The following CCL18 variants were observed in gnomAD, a reference collection of about 807,000 sequenced individuals.
CCL18 encodes the protein C-C motif chemokine ligand 18, also known as C-C motif chemokine 18.
Under a neutral mutation model 8.0 loss-of-function variants are expected in CCL18, and 7 were observed. That is an observed-to-expected ratio of 0.87 (90% confidence interval 0.50 to 1.64). The LOEUF (loss-of-function observed/expected upper bound fraction) is 1.64. CCL18 is among the 40% of genes most tolerant of loss of function. CCL18 has a pLI of 0.00. For synonymous variants in CCL18, 35 were observed against 41.3 expected (o/e 0.85, Z 0.59); for missense variants, 95 against 107.8 (o/e 0.88, Z 0.52).
intron 2 of CCL18, 23 bp downstream of exon 2, chr17:36,070,581 A>C (rs1358023224): frequency 2.8e-6 from 4 of 1,412,064 alleles, no homozygotes; most frequent in East Asian, 4.6e-5. Context: ...GCTCCTGCCC[A>C]CCCCTCGGGA....
At chr17:36,064,458 GCGACATCTT>G (rs1568522779) in intron 1 of CCL18, 49 bp downstream of exon 1, 1 of 1,449,162 alleles carries the variant, frequency 6.9e-7, no homozygotes, top group South Asian at 1.2e-5. Context: ...CAGAAGTCAG[GCGACATCTT>G]CCAAGTGCTG....
chr17:36,068,392 T>C (rs1240181139), intron 1 of CCL18, among the ~76,000 whole-genome samples: 1 of 152,172 alleles, frequency 6.6e-6, no homozygotes, highest in African/African-American at 2.4e-5. Flanking sequence ...AAATTTTTTT[T>C]TCAGGTTTTG....
At chr17:36,065,035 C>T (rs1174303404) in intron 1 of CCL18, among the ~76,000 whole-genome samples, 1 of 152,182 alleles carries the variant, frequency 6.6e-6, no homozygotes, top group Non-Finnish European at 1.5e-5. Context: ...TCCTGAGCAA[C>T]TCCTGTTGTC....
rs114879481 is a variant in CCL18 at position 36,067,129 on chromosome 17, G to T, written c.67+2720G>T. Among the ~76,000 whole-genome samples the T allele has an allele frequency of 3.2e-3, 486 of 152,278 alleles. 4 individuals are homozygous for T. Among genetic ancestry groups the T allele is most frequent in the African/African-American group, 0.011 (453 of 41,532 alleles). On this transcript the variant is annotated intron_variant, in intron 1 of 2. Coordinates refer to ENST00000616054, the MANE Select transcript of CCL18 (RefSeq NM_002988.4). ...GGAATAGGGAAAGTCTGGACTATGGGAATGACAAGAATGATGGGGCCAGGC... is the reference window on the plus strand; with the variant it reads ...GGAATAGGGAAAGTCTGGACTATGGTAATGACAAGAATGATGGGGCCAGGC...
chr17:36,066,290 G>A (rs560625925), intron 1 of CCL18, among the ~76,000 whole-genome samples: 1 of 152,284 alleles, frequency 6.6e-6, no homozygotes, highest in East Asian at 1.9e-4. Context: ...GAGTCTCACG[G>A]GACAGATGAG....
At position 36,064,334 on chromosome 17, in the gene CCL18, C is replaced by G. The variant is rs748378437; in HGVS notation, c.-9C>G. On this transcript the variant is annotated 5_prime_UTR_variant, in exon 1 of 3. Transcript: ENST00000616054. Reference sequence around the variant, plus strand: ...CTCACTCTGACCACTTCTCTGCCTGCCCAGCATCATGAAGGGCCTTGCAGC... The same window carrying G: ...CTCACTCTGACCACTTCTCTGCCTGGCCAGCATCATGAAGGGCCTTGCAGC... 1 of 1,613,102 alleles carries G rather than the reference C, an allele frequency of 6.2e-7. No individual in the cohort carries two copies. Among genetic ancestry groups the G allele is most frequent in the Non-Finnish European group, 8.5e-7 (1 of 1,179,198 alleles).
chr17:36,070,165 A>G (rs1429534173), intron 1 of CCL18, among the ~76,000 whole-genome samples: 1 of 152,220 alleles, frequency 6.6e-6, no homozygotes, highest in East Asian at 1.9e-4. Context: ...GAGAGATGGG[A>G]TGGGAAATAG....
In CCL18 at chr17:36,071,107, A is replaced by C. The variant is rs2066863917; in HGVS notation, c.*66A>C. 8.9e-7 allele frequency: 1 copy of C among 1,124,402 alleles called. No homozygotes were observed. Among genetic ancestry groups the C allele is most frequent in the Non-Finnish European group, 1.3e-6 (1 of 755,856 alleles). The allele number at this position is 1,124,402 out of a possible 1,614,324, so 69.7% of individuals were successfully genotyped here. ...CCAGGAGGGAACAGGAGCCTGAGCC[A>C]GGGCAATGGCCCTGCCACCCTGGAG... On this transcript the variant is annotated 3_prime_UTR_variant, in exon 3 of 3. Coordinates refer to ENST00000616054, the MANE Select transcript of CCL18 (RefSeq NM_002988.4).
At chr17:36,067,218 G>C (rs546068118) in intron 1 of CCL18, among the ~76,000 whole-genome samples, 1 of 152,262 alleles carries the variant, frequency 6.6e-6, no homozygotes, top group African/African-American at 2.4e-5. Context: ...CATTGGGTTT[G>C]ACTCTGGGTA....
intron 1 of CCL18, among the ~76,000 whole-genome samples, chr17:36,068,707 G>A (rs967543436): frequency 5.9e-5 from 9 of 152,090 alleles, no homozygotes; most frequent in Admixed American, 3.3e-4. Flanking sequence ...AGAAAGCAGC[G>A]GCCATTTTGG....
intron 1 of CCL18, among the ~76,000 whole-genome samples, chr17:36,069,259 A>G (rs942394103): frequency 6.6e-6 from 1 of 152,176 alleles, no homozygotes. Flanking sequence ...CCTTGTGAGA[A>G]GGCACCAGCT....
intron 1 of CCL18, among the ~76,000 whole-genome samples, chr17:36,068,531 G>A (rs1178917678): frequency 6.6e-6 from 1 of 152,104 alleles, no homozygotes; most frequent in Non-Finnish European, 1.5e-5. Context: ...TATTTTATGT[G>A]TTTTCAAAAT....
chr17:36,069,515 TAACA>T (rs1287338246), intron 1 of CCL18, among the ~76,000 whole-genome samples: 1 of 152,156 alleles, frequency 6.6e-6, no homozygotes, highest in Non-Finnish European at 1.5e-5. Flanking sequence ...ATAATCTGTA[TAACA>T]AACTCCCATG....
rs974373484 is a variant in CCL18 at position 36,071,210 on chromosome 17, C to A, written c.*169C>A. 1.8e-6 allele frequency: 1 copy of A among 567,966 alleles called. No individual in the cohort carries two copies. The highest frequency in any genetic ancestry group is 1.9e-5 in the African/African-American group (1 of 52,576). The allele number at this position is 567,966 out of a possible 1,614,324, so 35.2% of individuals were successfully genotyped here. On this transcript the variant is annotated 3_prime_UTR_variant, in exon 3 of 3. Transcript: ENST00000616054. ...TAATCTTAGTTTATGCATCATATTT[C>A]ATTTTGAAATTGATTTCTATTGTTG...
intron 2 of CCL18, 58 bp downstream of exon 2, chr17:36,070,616 G>T (rs1269107070): frequency 9.3e-7 from 1 of 1,069,952 alleles, no homozygotes; most frequent in Admixed American, 1.7e-5. Flanking sequence ...TTTGGGGTGA[G>T]GTCCCCTCAG....
intron 1 of CCL18, among the ~76,000 whole-genome samples, chr17:36,066,424 C>T (rs1467384318): frequency 1.3e-5 from 2 of 152,156 alleles, no homozygotes; most frequent in South Asian, 2.1e-4. Context: ...CCACCTACAT[C>T]GTTCTGGGGT....
intron 1 of CCL18, among the ~76,000 whole-genome samples, chr17:36,067,210 T>C (rs1239705273): frequency 3.3e-5 from 5 of 152,222 alleles, no homozygotes; most frequent in East Asian, 1.9e-4. Flanking sequence ...TATGCCATCA[T>C]TGGGTTTGAC....
At chr17:36,066,724 C>T (rs1034973520) in intron 1 of CCL18, among the ~76,000 whole-genome samples, 1 of 152,224 alleles carries the variant, frequency 6.6e-6, no homozygotes, top group South Asian at 2.1e-4. Flanking sequence ...CACAGAGCAG[C>T]TCTCTAATGC....
rs927864267 is a variant in CCL18 at position 36,071,930 on chromosome 17, T to G, written c.*889T>G. 2.0e-5 allele frequency: 3 copies of G among 152,206 alleles called. No homozygotes were observed. Among genetic ancestry groups the G allele is most frequent in the African/African-American group, 7.2e-5 (3 of 41,458 alleles). 9.4% of individuals were successfully genotyped at this position (152,206 alleles called of 1,614,324 possible). ...GAAAGCCTTGGTAATGTTATCTTTGTTCTCCACTCTGCTTTTGGGGAGGAT... is the reference window on the plus strand; with the variant it reads ...GAAAGCCTTGGTAATGTTATCTTTGGTCTCCACTCTGCTTTTGGGGAGGAT... On this transcript the variant is annotated 3_prime_UTR_variant, in exon 3 of 3. Transcript: ENST00000616054.
Sources: gnomAD v4.1 joint callset for allele counts (sites outside exome capture counted in the v4.1 genomes callset) on GRCh38, gnomAD v4.1.1 for gene constraint, MANE v1.5 for transcripts, NCBI Gene and HGNC (gene_info 2026-07-23, HGNC 2026-07-21) for gene names.